NXN: variants seen among roughly 807,000 people sequenced by gnomAD.
NXN encodes the protein nucleoredoxin.
In NXN, 16 loss-of-function variants were observed where a neutral mutation model predicts 48.6. That is an observed-to-expected ratio of 0.33 (90% CI 0.22 to 0.50). NXN has a LOEUF of 0.50. NXN is among the 20% of genes least tolerant of loss of function. NXN has a pLI of 0.98. For missense variants in NXN, 492 were observed against 605.5 expected (o/e 0.81, Z 1.97); for synonymous variants, 281 against 269.6 (o/e 1.04, Z -0.41).
At chr17:838,293 G>T (rs374019376) in intron 1 of NXN, among the ~76,000 whole-genome samples, 1 of 151,734 alleles carries the variant, frequency 6.6e-6, no homozygotes, top group African/African-American at 2.4e-5. Flanking sequence ...CACCACACCC[G>T]GCTCATTTTC....
chr17:837,544 A>G (rs530730351), intron 1 of NXN, among the ~76,000 whole-genome samples: 2 of 152,300 alleles, frequency 1.3e-5, no homozygotes, highest in African/African-American at 2.4e-5. Flanking sequence ...GATGCCCCCT[A>G]ATCAGTCCAG....
chr17:882,711 T>C (rs1291609674), intron 1 of NXN, among the ~76,000 whole-genome samples: 1 of 152,158 alleles, frequency 6.6e-6, no homozygotes, highest in South Asian at 2.1e-4. Flanking sequence ...GTGATCTGCC[T>C]GCCTTGGCCT....
intron 1 of NXN, among the ~76,000 whole-genome samples, chr17:896,243 G>T (rs986307814): frequency 5.9e-5 from 9 of 152,098 alleles, no homozygotes; most frequent in African/African-American, 2.2e-4. Flanking sequence ...GGGAGGCTGA[G>T]GCAGGAGAAT....
intron 1 of NXN, among the ~76,000 whole-genome samples, chr17:875,042 T>C (rs923501619): frequency 2.6e-5 from 4 of 152,050 alleles, no homozygotes; most frequent in Non-Finnish European, 5.9e-5. Flanking sequence ...TTTCTTTTTT[T>C]TTTTTCTGAG....
At chr17:840,761 T>A (rs1469402849) in intron 1 of NXN, among the ~76,000 whole-genome samples, 40 of 152,314 alleles carry the variant, frequency 2.6e-4, no homozygotes, top group Non-Finnish European at 2.9e-5. Context: ...CCTCCTTTTC[T>A]CTCTTTATCT....
At chr17:940,464 G>T (rs1315687121) in intron 1 of NXN, among the ~76,000 whole-genome samples, 2 of 152,174 alleles carry the variant, frequency 1.3e-5, no homozygotes, top group African/African-American at 4.8e-5. Flanking sequence ...AAGGGCCGTG[G>T]GCAACTTCCA....
At position 878,667 on chromosome 17, in the gene NXN, G is replaced by A. The variant is rs115973464; in HGVS notation, c.361-52589C>T. Among the ~76,000 whole-genome samples, 627 of 152,142 alleles carry A rather than the reference G, an allele frequency of 4.1e-3. 1 individual carries two copies. Among genetic ancestry groups the A allele is most frequent in the African/African-American group, 0.014 (596 of 41,488 alleles). On this transcript the variant is annotated intron_variant, in intron 1 of 7. Coordinates refer to ENST00000336868, the MANE Select transcript of NXN (RefSeq NM_022463.5). ...GGAGCTGTGTAGACAGGGTGAGACT[G>A]GAAGTTGGTGGACTCATTAAGGGAC...
chr17:811,381 G>A (rs558382325), intron 5 of NXN, among the ~76,000 whole-genome samples: 1 of 152,242 alleles, frequency 6.6e-6, no homozygotes, highest in East Asian at 1.9e-4. Flanking sequence ...TGGCAGCCGA[G>A]GATGACTCAG....
chr17:935,242 C>T (rs2068896115), intron 1 of NXN, among the ~76,000 whole-genome samples: 1 of 149,296 alleles, frequency 6.7e-6, no homozygotes, highest in Non-Finnish European at 1.5e-5. Context: ...GATCTGCCCA[C>T]CTTGGCCTCC....
At chr17:938,755 A>G (rs778776878) in intron 1 of NXN, among the ~76,000 whole-genome samples, 5 of 151,720 alleles carry the variant, frequency 3.3e-5, no homozygotes, top group Non-Finnish European at 7.4e-5. Context: ...GATGAAAAAG[A>G]AGATAAAATT....
At chr17:960,340 T>C (rs1375235131) in intron 1 of NXN, among the ~76,000 whole-genome samples, 1 of 152,158 alleles carries the variant, frequency 6.6e-6, no homozygotes, top group Non-Finnish European at 1.5e-5. Flanking sequence ...GCAAAAACTT[T>C]TAACCGCCAA....
chr17:801,761 T>A (rs1911228537), intron 7 of NXN, among the ~76,000 whole-genome samples: 1 of 152,178 alleles, frequency 6.6e-6, no homozygotes, highest in Non-Finnish European at 1.5e-5. Flanking sequence ...TCATAGCCTC[T>A]GATTGTTTAT....
chr17:953,587 A>G lies in NXN; in HGVS notation c.360+25732T>C, dbSNP rs551660872. ...ATTCTCCAGCCAGGCCCAACCTTATAAACCTATGTCAAGTTCAAACTATAC... is the reference window on the plus strand; with the variant it reads ...ATTCTCCAGCCAGGCCCAACCTTATGAACCTATGTCAAGTTCAAACTATAC... On this transcript the variant is annotated intron_variant, in intron 1 of 7. Coordinates refer to ENST00000336868, the MANE Select transcript of NXN (RefSeq NM_022463.5). 4.3e-4 allele frequency among the ~76,000 whole-genome samples: 66 copies of G among 152,292 alleles called. No homozygotes were observed. In the Middle Eastern group the frequency reaches 0.014, roughly 31 times the overall value.
intron 5 of NXN, among the ~76,000 whole-genome samples, chr17:813,761 G>A (rs373754178): frequency 6.6e-5 from 10 of 152,078 alleles, no homozygotes; most frequent in East Asian, 5.8e-4. Flanking sequence ...GAGGTCAGGA[G>A]TTTGAGACCA....
chr17:896,719 G>A lies in NXN; in HGVS notation c.361-70641C>T, dbSNP rs138299244. Among the ~76,000 whole-genome samples the A allele has an allele frequency of 5.1e-3, 773 of 152,256 alleles. 6 individuals are homozygous for A. Among genetic ancestry groups the A allele is most frequent in the Non-Finnish European group, 5.8e-3 (392 of 68,022 alleles). On this transcript the variant is annotated intron_variant, in intron 1 of 7. Transcript: ENST00000336868. The stretch of plus-strand genomic sequence containing the variant: ...GGAAGTTTTTGTGGAATTGACAGAT[G>A]ACATCTGTTTTTACAGAGAGTTGTT...
intron 5 of NXN, among the ~76,000 whole-genome samples, chr17:816,259 C>T (rs896861642): frequency 6.6e-6 from 1 of 151,932 alleles, no homozygotes; most frequent in Non-Finnish European, 1.5e-5. Flanking sequence ...AGACCTGAAT[C>T]CCATGGATTA....
chr17:964,780 T>C (rs1026453724), intron 1 of NXN, among the ~76,000 whole-genome samples: 1 of 152,212 alleles, frequency 6.6e-6, no homozygotes, highest in Non-Finnish European at 1.5e-5. Flanking sequence ...CACCCTAAAA[T>C]ATTAAGAAAA....
chr17:864,201 G>A, intron 1 of NXN: 1 of 1,228,160 alleles, frequency 8.1e-7, no homozygotes, highest in Middle Eastern at 2.1e-4. Flanking sequence ...TCCGGTGAAG[G>A]GCACAGGATG....
intron 1 of NXN, among the ~76,000 whole-genome samples, chr17:852,892 TCA>T (rs1491363992): frequency 6.6e-6 from 1 of 152,120 alleles, no homozygotes; most frequent in Non-Finnish European, 1.5e-5. Context: ...CCAGGACACC[TCA>T]GAGTCCCAGG....
Sources: allele counts gnomAD v4.1 joint callset (sites outside exome capture counted in the v4.1 genomes callset), GRCh38; gene constraint gnomAD v4.1.1; transcripts MANE v1.5; gene names NCBI Gene and HGNC (gene_info 2026-07-23, HGNC 2026-07-21).